GVQW3: variants seen among roughly 807,000 people sequenced by gnomAD.
GVQW3 encodes the protein GVQW motif containing 3.
Under a neutral mutation model 12.5 loss-of-function variants are expected in GVQW3, and 7 were observed. The observed-to-expected ratio is 0.56, with a 90% CI of 0.32 to 1.05. The LOEUF (loss-of-function observed/expected upper bound fraction) is 1.05, where lower values mean the gene tolerates loss of function less well. Ranked by LOEUF, GVQW3 falls within the 50% of genes least tolerant of loss-of-function variation. The pLI is 0.04. For missense variants in GVQW3, 188 were observed against 190.8 expected, an observed-to-expected ratio of 0.99 and a Z score of 0.09; for synonymous variants, 71 against 67.2, an observed-to-expected ratio of 1.06 and a Z score of -0.28.
chr11:76,382,423 C>T lies in GVQW3; in HGVS notation c.465+130C>T, dbSNP rs1257143560. On this transcript the variant is annotated intron_variant, in intron 1 of 1. Coordinates refer to ENST00000529331, the MANE Select transcript of GVQW3 (RefSeq NM_001347885.2). ...GCAGGCGTCATCTTCAACAAGCCTTCCCCCCAGGGTAGCTGAGAATTGGTT... is the reference window on the plus strand; with the variant it reads ...GCAGGCGTCATCTTCAACAAGCCTTTCCCCCAGGGTAGCTGAGAATTGGTT... 4.2e-6 allele frequency: 3 copies of T among 715,558 alleles called. No homozygotes were observed. The Admixed American group carries it at 6.2e-5, about 15-fold the overall frequency. 44.3% of individuals were successfully genotyped at this position (715,558 alleles called of 1,614,324 possible). A position where few individuals can be genotyped will look rare whatever the true frequency, so the allele number is the denominator to read the frequency against.
intron 1 of GVQW3, among the ~76,000 whole-genome samples, chr11:76,385,157 A>C (rs147190114): frequency 8.5e-4 from 129 of 152,354 alleles, no homozygotes; most frequent in African/African-American, 3.0e-3. Context: ...AGCAACCAGA[A>C]GCAGGTAATT....
Position 76,382,045 on chromosome 11 carries a change from G to A in GVQW3, c.217G>A (p.Asp73Asn). 6.5e-7 allele frequency: 1 copy of A among 1,536,576 alleles called. No homozygotes were observed. The highest frequency in any genetic ancestry group is 8.7e-7 in the Non-Finnish European group (1 of 1,147,006). ...GCGTCCAGTCACCCACCGAACAGAT[G>A]ACAATATCCAGAAGGTCAAGGACTT... is the stretch of plus-strand genomic sequence containing the variant. ...SGRPVTHRTD[D>N]NIQKVKDLVC... Residue 73 changes from aspartate to asparagine, a missense_variant, in exon 1 of 2, where the codon GAC becomes AAC. Coordinates refer to ENST00000529331, the MANE Select transcript of GVQW3 (RefSeq NM_001347885.2).
chr11:76,398,403 C>T (rs1590821973), intron 1 of GVQW3, among the ~76,000 whole-genome samples: 1 of 152,154 alleles, frequency 6.6e-6, no homozygotes, highest in Admixed American at 6.5e-5. Flanking sequence ...CCTCTGCCTC[C>T]AGGGCTTAAG....
At chr11:76,396,247 A>G (rs1946938246) in intron 1 of GVQW3, among the ~76,000 whole-genome samples, 2 of 151,864 alleles carry the variant, frequency 1.3e-5, no homozygotes, top group Non-Finnish European at 2.9e-5. Flanking sequence ...TTTGCTTAGC[A>G]TTTGCCTAGT....
At chr11:76,395,370 G>A (rs1946930171) in intron 1 of GVQW3, among the ~76,000 whole-genome samples, 1 of 152,154 alleles carries the variant, frequency 6.6e-6, no homozygotes, top group Admixed American at 6.5e-5. Context: ...ACTCATGTAT[G>A]TTTGTTTTAT....
downstream of GVQW3, among the ~76,000 whole-genome samples, chr11:76,409,961 A>G (rs771516428): frequency 5.9e-5 from 9 of 152,272 alleles, no homozygotes; most frequent in East Asian, 5.8e-4. Context: ...ATTTTATTCT[A>G]TAACTAAAAC....
Position 76,382,225 on chromosome 11 carries a change from C to G in GVQW3, c.397C>G (p.Arg133Gly), listed in dbSNP as rs933112196. 2.0e-6 allele frequency: 3 copies of G among 1,535,922 alleles called. No homozygotes were observed. The highest frequency in any genetic ancestry group is 2.7e-5 in the African/African-American group (2 of 73,016). The change falls in exon 1 of 2, where the codon CGA becomes GGA. Residue 133 changes from arginine (R) to glycine (G), a missense_variant. Transcript: ENST00000529331. ...TGTTTTGAAGGGTGAGCCTAAACCACGAAAACTTGACTTTCGGTCCGATCT... is the reference window on the plus strand; with the variant it reads ...TGTTTTGAAGGGTGAGCCTAAACCAGGAAAACTTGACTTTCGGTCCGATCT... ...SGVLKGEPKPRKLDFRSDLSK... is the reference protein window; with the variant it reads ...SGVLKGEPKPGKLDFRSDLSK...
chr11:76,398,983 A>G (rs1203938857), intron 1 of GVQW3, among the ~76,000 whole-genome samples: 1 of 152,164 alleles, frequency 6.6e-6, no homozygotes, highest in Non-Finnish European at 1.5e-5. Context: ...CTGATGAGAA[A>G]GCTGATTTCA....
chr11:76,382,100 G>T lies in GVQW3; in HGVS notation c.272G>T (p.Arg91Met), dbSNP rs1412044148. Residue 91 changes from arginine (R) to methionine (M), a missense_variant, in exon 1 of 2, where the codon AGG (arginine) becomes ATG (methionine). Transcript: ENST00000529331. ...LVCSNRQLTVRMMAEELNLDK... is the reference protein window; with the variant it reads ...LVCSNRQLTVMMMAEELNLDK... ...TGTTCAAACAGGCAGTTAACCGTGAGGATGATGGCTGAAGAGTTAAATTTA... is the reference window on the plus strand; with the variant it reads ...TGTTCAAACAGGCAGTTAACCGTGATGATGATGGCTGAAGAGTTAAATTTA... The T allele has an allele frequency of 1.3e-6, 2 of 1,536,564 alleles. No homozygotes were observed. Among genetic ancestry groups the T allele is most frequent in the South Asian group, 2.4e-5 (2 of 84,068 alleles).
At chr11:76,382,629 A>C in intron 1 of GVQW3, 1 of 521,434 alleles carries the variant, frequency 1.9e-6, no homozygotes, top group Non-Finnish European at 3.4e-6. Flanking sequence ...GTTCTCCATA[A>C]CTTTGAAAAA....
At chr11:76,387,941 G>A (rs756778802) in intron 1 of GVQW3, among the ~76,000 whole-genome samples, 1 of 152,232 alleles carries the variant, frequency 6.6e-6, no homozygotes, top group East Asian at 1.9e-4. Context: ...AAAAGAAATT[G>A]TGGAATATTG....
At chr11:76,408,425 G>C (rs991738170), downstream of GVQW3, 6 of 152,174 alleles carry the variant, frequency 3.9e-5, no homozygotes, top group African/African-American at 1.4e-4. Context: ...TACTGTCAAG[G>C]CTTACCTCAT....
At chr11:76,391,806 T>A (rs901792691) in intron 1 of GVQW3, among the ~76,000 whole-genome samples, 5 of 152,060 alleles carry the variant, frequency 3.3e-5, no homozygotes, top group Non-Finnish European at 5.9e-5. Flanking sequence ...ATACAAAAAT[T>A]AGCCGGGTGT....
chr11:76,393,688 C>T (rs1946914127), intron 1 of GVQW3, among the ~76,000 whole-genome samples: 1 of 152,094 alleles, frequency 6.6e-6, no homozygotes, highest in Admixed American at 6.5e-5. Flanking sequence ...TCCCCTACCA[C>T]CATGTAAAAT....
Position 76,381,687 on chromosome 11 carries a change from AGCAATTACTCTTTCCCGGCGAG to A in GVQW3, c.-139_-118del, listed in dbSNP as rs1565239233. The A allele has an allele frequency of 6.4e-6, 5 of 778,676 alleles. No individual in the cohort carries two copies. The highest frequency in any genetic ancestry group is 9.7e-6 in the Non-Finnish European group (5 of 513,792). The allele number at this position is 778,676 out of a possible 1,614,324, so 48.2% of individuals were successfully genotyped here. A position where few individuals can be genotyped will look rare whatever the true frequency, so the allele number is the denominator to read the frequency against. ...AAGCTGAGGGACAAAAATTCATAAA[AGCAATTACTCTTTCCCGGCGAG>A]GCTTCTAGAAGAGCAAGAAGAGCGA... On this transcript the variant is annotated 5_prime_UTR_variant, in exon 1 of 2. Transcript: ENST00000529331.
At chr11:76,410,705 T>C (rs1178491189), downstream of GVQW3, among the ~76,000 whole-genome samples, 2 of 152,214 alleles carry the variant, frequency 1.3e-5, no homozygotes, top group Non-Finnish European at 2.9e-5. Flanking sequence ...CTGAGGATGC[T>C]GTCTCTGTGC....
At position 76,381,796 on chromosome 11, in the gene GVQW3, C is replaced by G. The variant is rs1337415915; in HGVS notation, c.-33C>G. 4.7e-6 allele frequency: 7 copies of G among 1,487,494 alleles called. No homozygotes were observed. The highest frequency in any genetic ancestry group is 6.2e-6 in the Non-Finnish European group (7 of 1,124,378). 92.1% of individuals were successfully genotyped at this position (1,487,494 alleles called of 1,614,324 possible). Reference sequence around the variant, plus strand: ...TCCGTCTTTCCCTTACAGTCGTGGCCTGTTAAACGTTCCTGTGTTGTTCAG... The same window carrying G: ...TCCGTCTTTCCCTTACAGTCGTGGCGTGTTAAACGTTCCTGTGTTGTTCAG... On this transcript the variant is annotated 5_prime_UTR_variant, in exon 1 of 2. Transcript: ENST00000529331.
intron 1 of GVQW3, among the ~76,000 whole-genome samples, chr11:76,386,799 G>T (rs1461902161): frequency 1.3e-5 from 2 of 152,082 alleles, no homozygotes; most frequent in East Asian, 3.9e-4. Context: ...ATGTTCTACA[G>T]TGTCTCCCTT....
chr11:76,386,730 C>T (rs1946838259), intron 1 of GVQW3, among the ~76,000 whole-genome samples: 1 of 152,222 alleles, frequency 6.6e-6, no homozygotes, highest in South Asian at 2.1e-4. Flanking sequence ...CTTCTTCAGT[C>T]AGCCCACCCA....
Sources: allele counts gnomAD v4.1 joint callset (sites outside exome capture counted in the v4.1 genomes callset), GRCh38; gene constraint gnomAD v4.1.1; transcripts MANE v1.5; gene names NCBI Gene and HGNC (gene_info 2026-07-23, HGNC 2026-07-21).